MYO6: variants seen among roughly 807,000 people sequenced by gnomAD.
MYO6 encodes unconventional myosin-VI.
In MYO6, 74 loss-of-function variants were observed where a neutral mutation model predicts 178.7. The observed-to-expected ratio is 0.41, with a 90% CI of 0.34 to 0.50. MYO6 has a LOEUF of 0.50. Ranked by LOEUF, MYO6 falls within the 20% of genes least tolerant of loss-of-function variation. MYO6 has a pLI of 0.09. For missense variants in MYO6, 1,330 were observed against 1,547.4 expected (o/e 0.86, Z 2.36); for synonymous variants, 477 against 504.6 (o/e 0.95, Z 0.73).
At chr6:75,751,507 G>A (rs891939952) in intron 1 of MYO6, among the ~76,000 whole-genome samples, 1 of 152,310 alleles carries the variant, frequency 6.6e-6, no homozygotes, top group Non-Finnish European at 1.5e-5. Context: ...AATATTTAAT[G>A]TAAATTAATG....
intron 10 of MYO6, among the ~76,000 whole-genome samples, chr6:75,846,848 CT>C (rs983404369): frequency 2.4e-4 from 36 of 152,072 alleles, no homozygotes; most frequent in African/African-American, 8.4e-4. Flanking sequence ...GAAAATTGCC[CT>C]CTTATTCTAG....
At position 75,880,771 on chromosome 6, in the gene MYO6, C is replaced by T. The variant is rs12662879; in HGVS notation, c.2286+651C>T. On this transcript the variant is annotated intron_variant, in intron 22 of 34. Transcript: ENST00000369977. The stretch of plus-strand genomic sequence containing the variant: ...TAATTTAATTTTGACTATAAGAAGC[C>T]GTTATATTGGTTGATGGGTTTTTGA... Among the ~76,000 whole-genome samples the T allele has an allele frequency of 0.013, 1,997 of 152,128 alleles. 75 individuals are homozygous for T. The East Asian group carries it at 0.15, about 11-fold the overall frequency.
intron 29 of MYO6, among the ~76,000 whole-genome samples, chr6:75,896,699 G>A (rs1440385602): frequency 6.6e-6 from 1 of 152,184 alleles, no homozygotes; most frequent in Non-Finnish European, 1.5e-5. Flanking sequence ...TCCTTGGGTA[G>A]GACATTTGGC....
intron 1 of MYO6, among the ~76,000 whole-genome samples, chr6:75,791,124 G>A (rs555800589): frequency 2.6e-5 from 4 of 152,084 alleles, no homozygotes; most frequent in African/African-American, 9.6e-5. Flanking sequence ...AGTAGAGATG[G>A]GGGTTTCACC....
At position 75,817,657 on chromosome 6, in the gene MYO6, A is replaced by G; in HGVS notation, c.110A>G (p.Lys37Arg). The change falls in exon 2 of 35, where the codon AAA becomes AGA. Residue 37 changes from lysine to arginine, a missense_variant. This residue lies in a region of MYO6 where 116 missense variants were observed against 104.6 expected (regional missense o/e 1.11). Transcript: ENST00000369977. ...TTAACAATTGAACCCTTGAATCAGA[A>G]AGGCAAGGTGAGTTTCTCAGAAAGA... ...DSLTIEPLNQ[K>R]GKTFLALINQ... The G allele has an allele frequency of 6.2e-7, 1 of 1,613,350 alleles. No individual in the cohort carries two copies. The highest frequency in any genetic ancestry group is 8.5e-7 in the Non-Finnish European group (1 of 1,179,244).
intron 2 of MYO6, among the ~76,000 whole-genome samples, chr6:75,818,516 CT>C (rs1268954369): frequency 5.9e-5 from 9 of 152,090 alleles, no homozygotes; most frequent in Non-Finnish European, 1.5e-5. Flanking sequence ...ATAAGTATGC[CT>C]GTTAAACAGT....
intron 1 of MYO6, among the ~76,000 whole-genome samples, chr6:75,804,497 C>G (rs777203596): frequency 6.6e-6 from 1 of 152,126 alleles, no homozygotes; most frequent in Non-Finnish European, 1.5e-5. Flanking sequence ...AGATCTACCC[C>G]ACCCCTTCAT....
chr6:75,881,231 G>T (rs1777997629), intron 22 of MYO6, among the ~76,000 whole-genome samples: 1 of 152,138 alleles, frequency 6.6e-6, no homozygotes, highest in South Asian at 2.1e-4. Flanking sequence ...AAAAGGTTGG[G>T]GGTGGGTAAT....
chr6:75,836,428 G>T (rs890815649), intron 7 of MYO6, among the ~76,000 whole-genome samples: 1 of 152,070 alleles, frequency 6.6e-6, no homozygotes, highest in Admixed American at 6.6e-5. Context: ...TTGTACCTCA[G>T]TTTGGAGACT....
rs749079477 is a variant in MYO6 at position 75,881,788 on chromosome 6, G to A, written c.2386G>A (p.Val796Ile). Residue 796 changes from valine to isoleucine, a missense_variant, in exon 23 of 35, where the codon GTT (valine) becomes ATT (isoleucine). Physicochemically the swap from Val to Ile is conservative, Grantham distance 29. This residue lies in a region of MYO6 where 601 missense variants were observed against 626.1 expected (regional missense o/e 0.96). Transcript: ENST00000369977. ...HWLTCSRWKK[V>I]QWCSLSVIKL... ...GCTCACATGCAGTCGCTGGAAGAAAGTTCAGTGGTGCTCACTCTCAGTCAT... is the reference window on the plus strand; with the variant it reads ...GCTCACATGCAGTCGCTGGAAGAAAATTCAGTGGTGCTCACTCTCAGTCAT... 1 of 1,613,872 alleles carries A rather than the reference G, an allele frequency of 6.2e-7. No homozygotes were observed. The highest frequency in any genetic ancestry group is 1.1e-5 in the South Asian group (1 of 91,076).
intron 26 of MYO6, among the ~76,000 whole-genome samples, chr6:75,890,949 G>A: frequency 6.6e-6 from 1 of 152,124 alleles, no homozygotes; most frequent in Non-Finnish European, 1.5e-5. Context: ...GGACTAGAGG[G>A]AAGCACCTTT....
intron 24 of MYO6, 55 bp from the exon 25 acceptor site, chr6:75,886,789 C>T (rs1446599128): frequency 6.5e-7 from 1 of 1,543,686 alleles, no homozygotes; most frequent in Non-Finnish European, 8.9e-7. Context: ...AATGAAAAAT[C>T]TGCCAAAAGT....
At position 75,866,998 on chromosome 6, in the gene MYO6, A is replaced by G. The variant is rs781019390; in HGVS notation, c.1837A>G (p.Arg613Gly). ...MSLESLICES[R>G]DKFIRELFES... The stretch of plus-strand genomic sequence containing the variant: ...TCTTGAATCCTTAATATGTGAATCC[A>G]GAGATAAGTTTATACGGGAATTATT... Residue 613 changes from arginine (R) to glycine (G), a missense_variant, in exon 18 of 35, where the codon AGA becomes GGA. This residue lies in a region of MYO6 where 613 missense variants were observed against 816.8 expected (regional missense o/e 0.75). Coordinates refer to ENST00000369977, the MANE Select transcript of MYO6 (RefSeq NM_004999.4). 1.9e-6 allele frequency: 3 copies of G among 1,613,848 alleles called. No individual in the cohort carries two copies. In the East Asian group the frequency reaches 6.7e-5, roughly 36 times the overall value.
At chr6:75,823,997 A>G (rs978071605) in intron 3 of MYO6, among the ~76,000 whole-genome samples, 5 of 152,190 alleles carry the variant, frequency 3.3e-5, no homozygotes, top group Non-Finnish European at 7.3e-5. Context: ...TAAATAATAC[A>G]TTTTTGAATA....
At chr6:75,799,790 G>A (rs1248005113) in intron 1 of MYO6, among the ~76,000 whole-genome samples, 2 of 152,096 alleles carry the variant, frequency 1.3e-5, no homozygotes, top group Non-Finnish European at 2.9e-5. Flanking sequence ...GAGGGTAGGT[G>A]TAGACTAACT....
chr6:75,765,591 A>G (rs1416173702), intron 1 of MYO6, among the ~76,000 whole-genome samples: 3 of 151,462 alleles, frequency 2.0e-5, no homozygotes, highest in Non-Finnish European at 4.4e-5. Context: ...TCACCTCTTA[A>G]AAAAAAAATT....
intron 3 of MYO6, among the ~76,000 whole-genome samples, chr6:75,823,917 G>C (rs1177096787): frequency 2.0e-5 from 3 of 152,094 alleles, no homozygotes; most frequent in Admixed American, 6.6e-5. Context: ...GTTTTTATTA[G>C]GTGCAAGAGA....
intron 1 of MYO6, among the ~76,000 whole-genome samples, chr6:75,790,165 A>T (rs1276702457): frequency 6.6e-6 from 1 of 152,180 alleles, no homozygotes; most frequent in Non-Finnish European, 1.5e-5. Flanking sequence ...TTTCTTAAGG[A>T]TAGATGCCTG....
At chr6:75,905,922 ATTTCC>A (rs978521197) in intron 30 of MYO6, among the ~76,000 whole-genome samples, 3 of 152,230 alleles carry the variant, frequency 2.0e-5, no homozygotes, top group African/African-American at 7.2e-5. Context: ...TGAAAGAATA[ATTTCC>A]TTTACTTCAG....
Sources: gnomAD v4.1 joint callset for allele counts (sites outside exome capture counted in the v4.1 genomes callset) on GRCh38, gnomAD v4.1.1 for gene constraint, gnomAD v4.1.1 regional missense constraint, MANE v1.5 for transcripts, NCBI Gene and HGNC (gene_info 2026-07-23, HGNC 2026-07-21) for gene names.